AFF3: variants seen among roughly 807,000 people sequenced by gnomAD.
The protein encoded by AFF3 is ALF transcription elongation factor 3, also known as AF4/FMR2 family member 3.
Under a neutral mutation model 129.7 loss-of-function variants are expected in AFF3, and 32 were observed. The ratio of observed to expected loss-of-function variants is 0.25; its 90% CI spans 0.19 to 0.33. AFF3 has a LOEUF of 0.33. AFF3 is among the 10% of genes least tolerant of loss of function. AFF3 has a pLI of 1.00. For synonymous variants in AFF3, 644 were observed against 635.4 expected, an observed-to-expected ratio of 1.01 and a Z score of -0.20; for missense variants, 1,373 against 1,592.0, an observed-to-expected ratio of 0.86 and a Z score of 2.34.
intron 7 of AFF3, among the ~76,000 whole-genome samples, chr2:99,910,176 T>G (rs761721885): frequency 1.3e-5 from 2 of 152,188 alleles, no homozygotes; most frequent in Non-Finnish European, 2.9e-5. Flanking sequence ...ATTAATTCTA[T>G]TAAAATGACC....
chr2:99,628,920 C>G (rs1682863161), intron 13 of AFF3, among the ~76,000 whole-genome samples: 1 of 152,006 alleles, frequency 6.6e-6, no homozygotes, highest in Non-Finnish European at 1.5e-5. Flanking sequence ...CGGGGTTTCA[C>G]CATGTTGGCC....
intron 11 of AFF3, among the ~76,000 whole-genome samples, chr2:99,713,715 CTA>C (rs1558777296): frequency 6.8e-5 from 10 of 147,202 alleles, no homozygotes; most frequent in African/African-American, 2.3e-4. Flanking sequence ...TTTTTTTTTT[CTA>C]GAGAGAGTCT....
At chr2:99,708,446 C>T (rs779702872) in intron 11 of AFF3, among the ~76,000 whole-genome samples, 6 of 152,186 alleles carry the variant, frequency 3.9e-5, no homozygotes, top group Admixed American at 1.3e-4. Flanking sequence ...AGGTCTCACT[C>T]GGTGTCAGGC....
chr2:99,619,254 TGTG>T (rs1317081514), intron 13 of AFF3, among the ~76,000 whole-genome samples: 5 of 152,348 alleles, frequency 3.3e-5, no homozygotes, highest in Admixed American at 6.5e-5. Context: ...GTCAGCAGCA[TGTG>T]GTGTTTAATT....
intron 7 of AFF3, among the ~76,000 whole-genome samples, chr2:99,908,939 T>C (rs1208526070): frequency 6.6e-6 from 1 of 152,152 alleles, no homozygotes; most frequent in Admixed American, 6.5e-5. Context: ...GATCTAGAAC[T>C]AGATCTAGAA....
intron 4 of AFF3, among the ~76,000 whole-genome samples, chr2:100,081,483 A>G (rs1689046195): frequency 6.6e-6 from 1 of 151,794 alleles, no homozygotes; most frequent in Admixed American, 6.6e-5. Context: ...ACTTCCTCCA[A>G]CAGAAGACCT....
intron 13 of AFF3, among the ~76,000 whole-genome samples, chr2:99,640,502 T>C (rs189790131): frequency 1.8e-3 from 276 of 152,290 alleles, no homozygotes; most frequent in African/African-American, 6.2e-3. Flanking sequence ...CTTGGATGTG[T>C]AAATGCTTTG....
At chr2:99,567,650 A>T (rs1207707000) in intron 19 of AFF3, among the ~76,000 whole-genome samples, 3 of 151,822 alleles carry the variant, frequency 2.0e-5, no homozygotes, top group Non-Finnish European at 4.4e-5. Context: ...TGCCCATGAG[A>T]GTGTGTGAGA....
chr2:100,034,293 G>A (rs1412891517), intron 4 of AFF3, among the ~76,000 whole-genome samples: 1 of 151,980 alleles, frequency 6.6e-6, no homozygotes, highest in South Asian at 2.1e-4. Flanking sequence ...GAATCATATA[G>A]GATGAAATAG....
At chr2:99,684,184 C>T (rs1000303510) in intron 11 of AFF3, among the ~76,000 whole-genome samples, 2 of 152,204 alleles carry the variant, frequency 1.3e-5, no homozygotes, top group East Asian at 3.8e-4. Flanking sequence ...TCTCCTTCCC[C>T]AAATGTCTTG....
intron 2 of AFF3, among the ~76,000 whole-genome samples, chr2:100,115,932 T>C (rs1393542549): frequency 6.6e-6 from 1 of 152,224 alleles, no homozygotes. Flanking sequence ...TATGAGATGT[T>C]TGTCAACATT....
At chr2:99,995,895 C>A (rs371844448) in intron 7 of AFF3, among the ~76,000 whole-genome samples, 8 of 152,126 alleles carry the variant, frequency 5.3e-5, no homozygotes, top group African/African-American at 1.9e-4. Context: ...ATAAACACTT[C>A]AACAGAAAAA....
intron 11 of AFF3, chr2:99,707,755 G>A (rs1677541401): frequency 1.5e-6 from 1 of 665,366 alleles, no homozygotes; most frequent in African/African-American, 2.0e-5. Context: ...CTGTGAAGCA[G>A]ACTTTTTCCA....
intron 4 of AFF3, among the ~76,000 whole-genome samples, chr2:100,035,560 T>C (rs1461196131): frequency 1.3e-5 from 2 of 152,240 alleles, no homozygotes; most frequent in Non-Finnish European, 2.9e-5. Flanking sequence ...AAGTATGGTG[T>C]AGCAGAAAGA....
At chr2:99,939,051 AAAGG>A (rs1674786409) in intron 7 of AFF3, among the ~76,000 whole-genome samples, 1 of 152,240 alleles carries the variant, frequency 6.6e-6, no homozygotes, top group East Asian at 1.9e-4. Flanking sequence ...CATGACACTC[AAAGG>A]AAGCACTGTT....
At chr2:99,599,417 C>A (rs547932411) in intron 14 of AFF3, among the ~76,000 whole-genome samples, 1 of 152,170 alleles carries the variant, frequency 6.6e-6, no homozygotes, top group South Asian at 2.1e-4. Context: ...CACCACCACA[C>A]CCAGCTAATT....
At chr2:99,917,411 A>C (rs1695545875) in intron 7 of AFF3, among the ~76,000 whole-genome samples, 1 of 152,140 alleles carries the variant, frequency 6.6e-6, no homozygotes. Context: ...TCCAGGAGCC[A>C]CCGATAGAAG....
intron 4 of AFF3, among the ~76,000 whole-genome samples, chr2:100,076,775 T>C (rs1442556746): frequency 1.3e-5 from 2 of 152,202 alleles, no homozygotes; most frequent in Non-Finnish European, 2.9e-5. Context: ...AATGATTTAA[T>C]CTGCTGGAAA....
chr2:99,826,368 T>A (rs1229767788), intron 8 of AFF3, among the ~76,000 whole-genome samples: 1 of 152,176 alleles, frequency 6.6e-6, no homozygotes, highest in East Asian at 1.9e-4. Context: ...TGCTCACCCC[T>A]GGAGGTAGAT....
Sources: gnomAD v4.1 joint callset for allele counts (sites outside exome capture counted in the v4.1 genomes callset) on GRCh38, gnomAD v4.1.1 for gene constraint, MANE v1.5 for transcripts, NCBI Gene and HGNC (gene_info 2026-07-23, HGNC 2026-07-21) for gene names.